The following POC1A variants were observed in gnomAD, a reference collection of about 807,000 sequenced individuals.
POC1A encodes the protein POC1 centriolar protein homolog A.
A neutral mutation model predicts 47.8 loss-of-function variants in POC1A; 34 were observed. That is an observed-to-expected ratio of 0.71 (90% CI 0.54 to 0.95). POC1A has a LOEUF of 0.95. Ranked by LOEUF, POC1A falls within the 40% of genes least tolerant of loss-of-function variation. POC1A has a pLI of 0.00. For missense variants in POC1A, 466 were observed against 528.3 expected (o/e 0.88, Z 1.16); for synonymous variants, 177 against 207.6 (o/e 0.85, Z 1.27).
chr3:52,139,459 C>T (rs1698110501), intron 6 of POC1A, among the ~76,000 whole-genome samples: 1 of 152,154 alleles, frequency 6.6e-6, no homozygotes, highest in South Asian at 2.1e-4. Context: ...AGCCGTAGAA[C>T]TTTTTTACCC....
intron 7 of POC1A, among the ~76,000 whole-genome samples, chr3:52,130,732 C>T (rs1704180850): frequency 1.3e-5 from 2 of 152,112 alleles, no homozygotes; most frequent in African/African-American, 4.8e-5. Context: ...GAGGGGTGGC[C>T]CACTCCCAGA....
intron 6 of POC1A, among the ~76,000 whole-genome samples, chr3:52,143,342 G>C (rs1698259574): frequency 6.6e-6 from 1 of 151,886 alleles, no homozygotes; most frequent in Non-Finnish European, 1.5e-5. Flanking sequence ...TGCCAAGCCT[G>C]CTCCCTCCAG....
rs1439203156 is a variant in POC1A, at chr3:52,090,977, C to T, written c.1125+5592G>A. Among the ~76,000 whole-genome samples, 3 of 152,350 alleles carry T rather than the reference C, an allele frequency of 2.0e-5. No homozygotes were observed. The East Asian group carries it at 5.8e-4, about 29-fold the overall frequency. On this transcript the variant is annotated intron_variant, in intron 10 of 10. Transcript: ENST00000296484. This position sits in a 1 kb window ranked among gnomAD's most constrained non-coding sequence, Gnocchi z 4.2. Reference sequence around the variant, plus strand: ...AGAGGGGCAGCGCTTAAAATCTCCCCTTGGTGGAAAGCCAAAAAGAGGCAG... The same window carrying T: ...AGAGGGGCAGCGCTTAAAATCTCCCTTTGGTGGAAAGCCAAAAAGAGGCAG...
chr3:52,150,911 G>T, intron 2 of POC1A, 105 bp downstream of exon 2: 1 of 978,548 alleles, frequency 1.0e-6, no homozygotes, highest in Non-Finnish European at 1.6e-6. Flanking sequence ...TCTAGACAAA[G>T]CTGTGCAGTC....
At chr3:52,116,854 C>T (rs999086359) in intron 9 of POC1A, among the ~76,000 whole-genome samples, 1 of 151,936 alleles carries the variant, frequency 6.6e-6, no homozygotes, top group African/African-American at 2.4e-5. Context: ...AATTTGAGAC[C>T]AGCCTAGACA....
At chr3:52,117,906 A>G (rs761310232) in intron 9 of POC1A, among the ~76,000 whole-genome samples, 3 of 152,218 alleles carry the variant, frequency 2.0e-5, no homozygotes, top group Non-Finnish European at 4.4e-5. Context: ...CTATAGTGGC[A>G]GGGGTTTGGG....
intron 9 of POC1A, among the ~76,000 whole-genome samples, chr3:52,097,273 C>T (rs959454633): frequency 1.3e-5 from 2 of 152,220 alleles, no homozygotes; most frequent in Non-Finnish European, 2.9e-5. Context: ...TCCAACCCCA[C>T]CCTGGCCCAG....
intron 7 of POC1A, among the ~76,000 whole-genome samples, chr3:52,134,279 A>C (rs1389825501): frequency 2.6e-5 from 4 of 152,248 alleles, no homozygotes; most frequent in Non-Finnish European, 5.9e-5. Context: ...GTACATTTAA[A>C]AATGGTAAAG....
chr3:52,115,525 G>A (rs1219060267), intron 9 of POC1A, among the ~76,000 whole-genome samples: 4 of 152,166 alleles, frequency 2.6e-5, no homozygotes, highest in African/African-American at 9.7e-5. Context: ...CTGCTGCAAG[G>A]TCTGAGGGCT....
Position 52,150,237 on chromosome 3 carries a change from C to T in POC1A, c.104-250G>A, listed in dbSNP as rs552509454. Among the ~76,000 whole-genome samples, 7 of 152,300 alleles carry T rather than the reference C, an allele frequency of 4.6e-5. No individual in the cohort carries two copies. The South Asian group carries it at 1.5e-3, about 32-fold the overall frequency. ...AAGACCGAGGCCCTTCCCATGCTAG[C>T]CTTGGACTGCAATCCAGAGCTCTGG... On this transcript the variant is annotated intron_variant, in intron 2 of 10. Coordinates refer to ENST00000296484, the MANE Select transcript of POC1A (RefSeq NM_015426.5).
chr3:52,089,002 T>C (rs1383436709), intron 10 of POC1A, among the ~76,000 whole-genome samples: 1 of 151,198 alleles, frequency 6.6e-6, no homozygotes, highest in Non-Finnish European at 1.5e-5. Context: ...GCAGGGGCCT[T>C]CAATCTGCAG....
At chr3:52,129,055 G>A (rs2107121394) in intron 7 of POC1A, among the ~76,000 whole-genome samples, 1 of 152,254 alleles carries the variant, frequency 6.6e-6, no homozygotes, top group South Asian at 2.1e-4. Context: ...TGAGGCGGGA[G>A]GATCATTTGA....
intron 9 of POC1A, among the ~76,000 whole-genome samples, chr3:52,115,919 T>A (rs1359967917): frequency 1.3e-5 from 2 of 152,168 alleles, no homozygotes; most frequent in Non-Finnish European, 2.9e-5. Context: ...TTAACCAGTA[T>A]AATGTACATT....
Position 52,084,247 on chromosome 3 carries a change from G to A in POC1A, c.1126-8262C>T, listed in dbSNP as rs1702388320. Among the ~76,000 whole-genome samples the A allele has an allele frequency of 2.6e-5, 4 of 152,180 alleles. No individual in the cohort carries two copies. The highest frequency in any genetic ancestry group is 9.7e-5 in the African/African-American group (4 of 41,422). ...ACCAAGGGCACACCCTCAGAGACAG[G>A]TCCCTTCCAGGAGCTGCTCCTCCTC... is the stretch of plus-strand genomic sequence containing the variant. On this transcript the variant is annotated intron_variant, in intron 10 of 10. Coordinates refer to ENST00000296484, the MANE Select transcript of POC1A (RefSeq NM_015426.5). The surrounding 1 kb of genome is among the most constrained non-coding windows in gnomAD (Gnocchi z 4.3).
rs1200570402 is a variant in POC1A at position 52,079,237 on chromosome 3, C to CG, written c.1126-3253dup. On this transcript the variant is annotated intron_variant, in intron 10 of 10. Transcript: ENST00000296484. This position sits in a 1 kb window ranked among gnomAD's most constrained non-coding sequence, Gnocchi z 4.6. ...AGGGTTCAGAAAATACATGCTACCT[C>CG]GGTGTACACAGGCCACTGCCATTTC... is the stretch of plus-strand genomic sequence containing the variant. 1.3e-5 allele frequency among the ~76,000 whole-genome samples: 2 copies of CG among 152,248 alleles called. No individual in the cohort carries two copies. Among genetic ancestry groups the CG allele is most frequent in the South Asian group, 2.1e-4 (1 of 4,834 alleles).
Position 52,125,146 on chromosome 3 carries a change from C to T in POC1A, c.849G>A (p.Gly283=). ...CAGAGCCTCCAGAAGCAAAATACTCCCCCGTTCTTGAAAAGGCAACAGTGG... is the reference window on the plus strand; with the variant it reads ...CAGAGCCTCCAGAAGCAAAATACTCTCCCGTTCTTGAAAAGGCAACAGTGG... The part of the protein sequence containing the change: ...PATTVAFSRT[G]EYFASGGSDE... The change falls in exon 8 of 11, where the codon GGG becomes GGA. Residue 283 remains glycine (G), a synonymous_variant. Transcript: ENST00000296484. The T allele has an allele frequency of 3.7e-6, 6 of 1,614,054 alleles. No individual in the cohort carries two copies. The highest frequency in any genetic ancestry group is 4.2e-6 in the Non-Finnish European group (5 of 1,179,906).
At chr3:52,097,576 C>A (rs1291418797) in intron 9 of POC1A, among the ~76,000 whole-genome samples, 1 of 152,208 alleles carries the variant, frequency 6.6e-6, no homozygotes, top group South Asian at 2.1e-4. Context: ...GCCTGCAGTT[C>A]CTCTGTGGAC....
intron 7 of POC1A, among the ~76,000 whole-genome samples, chr3:52,128,158 G>C (rs1197005565): frequency 6.6e-6 from 1 of 152,212 alleles, no homozygotes; most frequent in African/African-American, 2.4e-5. Context: ...TGCCTGCCCA[G>C]AGCTCACTGA....
At chr3:52,081,724 G>A (rs1430875238) in intron 10 of POC1A, among the ~76,000 whole-genome samples, 2 of 152,152 alleles carry the variant, frequency 1.3e-5, no homozygotes, top group Non-Finnish European at 2.9e-5. Context: ...GTGCTGGGGG[G>A]TGCTAGGCTG....
Sources: gnomAD v4.1 joint callset for allele counts (sites outside exome capture counted in the v4.1 genomes callset) on GRCh38, gnomAD v4.1.1 for gene constraint, Gnocchi (gnomAD v3.1) non-coding constraint, MANE v1.5 for transcripts, NCBI Gene and HGNC (gene_info 2026-07-23, HGNC 2026-07-21) for gene names.